The following SPOCK1 variants were observed in gnomAD, a reference collection of about 807,000 sequenced individuals.
SPOCK1 encodes testican-1.
Under a neutral mutation model 55.3 loss-of-function variants are expected in SPOCK1, and 23 were observed. The ratio of observed to expected loss-of-function variants is 0.42; its 90% CI spans 0.30 to 0.59. SPOCK1 has a LOEUF of 0.59. SPOCK1 is among the 20% of genes least tolerant of loss of function. The pLI is 0.22. For synonymous variants in SPOCK1, 226 were observed against 221.0 expected (o/e 1.02, Z -0.20); for missense variants, 499 against 552.5 (o/e 0.90, Z 0.97).
chr5:137,103,174 A>G (rs946570236), intron 5 of SPOCK1, among the ~76,000 whole-genome samples: 1 of 152,056 alleles, frequency 6.6e-6, no homozygotes, highest in Non-Finnish European at 1.5e-5. Context: ...TATTTTTAGT[A>G]GAGACAGAGT....
intron 2 of SPOCK1, among the ~76,000 whole-genome samples, chr5:137,294,727 C>T (rs1757444839): frequency 6.6e-6 from 1 of 152,220 alleles, no homozygotes; most frequent in Non-Finnish European, 1.5e-5. Flanking sequence ...CTTTCCATCT[C>T]TCCCCTCTGG....
At chr5:136,989,469 G>A (rs1460377987) in intron 7 of SPOCK1, among the ~76,000 whole-genome samples, 2 of 152,170 alleles carry the variant, frequency 1.3e-5, no homozygotes, top group East Asian at 1.9e-4. Context: ...AGGGCTAGTT[G>A]TATTTTTCTG....
intron 2 of SPOCK1, among the ~76,000 whole-genome samples, chr5:137,384,576 A>ATATATATGTATG (rs747142799): frequency 4.3e-5 from 6 of 140,278 alleles, no homozygotes; most frequent in South Asian, 2.3e-4. Flanking sequence ...ATATATATAT[A>ATATATATGTATG]TATGTATGTA....
intron 6 of SPOCK1, among the ~76,000 whole-genome samples, chr5:137,055,363 G>A (rs1354580991): frequency 4.6e-5 from 7 of 151,730 alleles, no homozygotes; most frequent in Non-Finnish European, 1.0e-4. Flanking sequence ...CTCAATTTTA[G>A]GGCAAAAAAA....
chr5:137,356,072 C>T (rs954276496), intron 2 of SPOCK1, among the ~76,000 whole-genome samples: 11 of 152,170 alleles, frequency 7.2e-5, no homozygotes, highest in African/African-American at 2.7e-4. Context: ...ACAGCCCTGC[C>T]CTGAGCTCAC....
intron 2 of SPOCK1, among the ~76,000 whole-genome samples, chr5:137,297,266 C>T (rs753870304): frequency 5.9e-5 from 9 of 152,120 alleles, no homozygotes; most frequent in Admixed American, 1.3e-4. Flanking sequence ...CCTCAGAATG[C>T]GTCTCCTTTG....
At position 136,977,578 on chromosome 5, in the gene SPOCK1, A is replaced by T. The variant is rs1011364328; in HGVS notation, c.*1076T>A. The T allele has an allele frequency of 7.8e-6, 3 of 385,512 alleles. No homozygotes were observed. The allele number at this position is 385,512 out of a possible 1,614,324, so 23.9% of individuals were successfully genotyped here. ...AACAGGAGATATGTGTGCATGCCTT[A>T]GAAAAAGCCCTTGAGTAGGTAAGGA... On this transcript the variant is annotated 3_prime_UTR_variant, in exon 11 of 11. Transcript: ENST00000394945.
intron 3 of SPOCK1, among the ~76,000 whole-genome samples, chr5:137,154,104 A>G (rs1010829703): frequency 6.6e-6 from 1 of 151,940 alleles, no homozygotes; most frequent in Non-Finnish European, 1.5e-5. Flanking sequence ...CCTGACCAAT[A>G]TGGAGAAACC....
intron 3 of SPOCK1, among the ~76,000 whole-genome samples, chr5:137,247,087 T>G (rs1438443072): frequency 6.6e-6 from 1 of 152,120 alleles, no homozygotes; most frequent in African/African-American, 2.4e-5. Context: ...GTCTGAAGGA[T>G]GAAGAGACAT....
intron 6 of SPOCK1, among the ~76,000 whole-genome samples, chr5:137,034,790 A>T (rs1334810210): frequency 6.6e-6 from 1 of 152,180 alleles, no homozygotes; most frequent in Non-Finnish European, 1.5e-5. Flanking sequence ...TCCACAGTTG[A>T]GAAAGGGCAC....
chr5:137,473,243 T>C (rs1393022765), intron 2 of SPOCK1, among the ~76,000 whole-genome samples: 1 of 152,212 alleles, frequency 6.6e-6, no homozygotes, highest in Non-Finnish European at 1.5e-5. Flanking sequence ...AATAAACTAC[T>C]ATAAATCCAC....
At chr5:137,004,104 G>A (rs914752533) in intron 6 of SPOCK1, among the ~76,000 whole-genome samples, 1 of 152,134 alleles carries the variant, frequency 6.6e-6, no homozygotes, top group Non-Finnish European at 1.5e-5. Flanking sequence ...TGCAACAAAG[G>A]TCCAGCAGCA....
intron 2 of SPOCK1, among the ~76,000 whole-genome samples, chr5:137,392,425 T>C (rs934452387): frequency 1.6e-4 from 25 of 152,250 alleles, no homozygotes; most frequent in African/African-American, 5.3e-4. Context: ...CTATAACTTA[T>C]CTCTGTCCCT....
chr5:137,270,836 C>G lies in SPOCK1; in HGVS notation c.187-3781G>C, dbSNP rs1756946852. On this transcript the variant is annotated intron_variant, in intron 2 of 10. Transcript: ENST00000394945. Reference sequence around the variant, plus strand: ...TGGCCAACATGGTGAAACCATATCTCTACTAACAATACAAAAGTAGCTAGG... The same window carrying G: ...TGGCCAACATGGTGAAACCATATCTGTACTAACAATACAAAAGTAGCTAGG... Among the ~76,000 whole-genome samples, 3 of 152,200 alleles carry G rather than the reference C, an allele frequency of 2.0e-5. No individual in the cohort carries two copies. The South Asian group carries it at 6.2e-4, about 32-fold the overall frequency.
intron 2 of SPOCK1, among the ~76,000 whole-genome samples, chr5:137,305,001 G>T (rs772295002): frequency 6.6e-6 from 1 of 152,178 alleles, no homozygotes; most frequent in Non-Finnish European, 1.5e-5. Context: ...CAAAGCGTTG[G>T]CAGAGCCACA....
rs201296075 is a variant in SPOCK1 at position 137,382,902 on chromosome 5, GC to G, written c.186+115470del. On this transcript the variant is annotated intron_variant, in intron 2 of 10. Coordinates refer to ENST00000394945, the MANE Select transcript of SPOCK1 (RefSeq NM_004598.4). ...CAAGTTCTCAGAAATTTGATTAGTT[GC>G]TGGGCCAGGACTGGTTAAAATGATG... 3.8e-3 allele frequency among the ~76,000 whole-genome samples: 577 copies of G among 152,328 alleles called. 6 individuals are homozygous for G. The highest frequency in any genetic ancestry group is 0.013 in the African/African-American group (542 of 41,570).
At position 137,487,142 on chromosome 5, in the gene SPOCK1, G is replaced by A. The variant is rs115961506; in HGVS notation, c.186+11231C>T. On this transcript the variant is annotated intron_variant, in intron 2 of 10. Transcript: ENST00000394945. ...GGCAATTTTTTTTAATCAATTTTAG[G>A]TGCCATGAATTTACCATTAATTAAA... Among the ~76,000 whole-genome samples the A allele has an allele frequency of 2.9e-3, 440 of 151,974 alleles. 2 individuals carry two copies. The highest frequency in any genetic ancestry group is 0.01 in the African/African-American group (427 of 41,434).
intron 3 of SPOCK1, among the ~76,000 whole-genome samples, chr5:137,166,688 A>C (rs1214452026): frequency 6.6e-6 from 1 of 152,152 alleles, no homozygotes; most frequent in Admixed American, 6.6e-5. Flanking sequence ...TATAGTGTAG[A>C]GTCTTAGTTT....
At chr5:137,036,503 A>T (rs1485128544) in intron 6 of SPOCK1, among the ~76,000 whole-genome samples, 2 of 152,210 alleles carry the variant, frequency 1.3e-5, no homozygotes, top group Non-Finnish European at 2.9e-5. Flanking sequence ...TCTGCCCTGC[A>T]AACAGGAAGC....
Sources: allele counts gnomAD v4.1 joint callset (sites outside exome capture counted in the v4.1 genomes callset), GRCh38; gene constraint gnomAD v4.1.1; transcripts MANE v1.5; gene names NCBI Gene and HGNC (gene_info 2026-07-23, HGNC 2026-07-21).